The following DGKZ variants were observed in gnomAD, a reference collection of about 807,000 sequenced individuals.
DGKZ encodes diacylglycerol kinase zeta.
A neutral mutation model predicts 142.5 loss-of-function variants in DGKZ; 45 were observed. That is an observed-to-expected ratio of 0.32 (90% CI 0.25 to 0.40). The LOEUF (loss-of-function observed/expected upper bound fraction) is 0.40, where lower values mean the gene tolerates loss of function less well. DGKZ is among the 10% of genes least tolerant of loss of function. DGKZ has a pLI of 1.00. For missense variants in DGKZ, 755 were observed against 1,306.5 expected, an observed-to-expected ratio of 0.58 and a Z score of 6.51; for synonymous variants, 442 against 527.0, an observed-to-expected ratio of 0.84 and a Z score of 2.21.
At chr11:46,349,009 T>C (rs1275975648) in intron 1 of DGKZ, among the ~76,000 whole-genome samples, 1 of 152,202 alleles carries the variant, frequency 6.6e-6, no homozygotes, top group Non-Finnish European at 1.5e-5. Context: ...GGGTAGACTT[T>C]ACCCACCAAT....
intron 27 of DGKZ, 162 bp downstream of exon 27, chr11:46,378,662 T>C: frequency 3.9e-6 from 4 of 1,013,544 alleles, no homozygotes; most frequent in African/African-American, 1.6e-5. Flanking sequence ...CACTTCACTG[T>C]ATCTCTGTCT....
At chr11:46,347,372 C>A (rs1440581248), upstream of DGKZ, 2 of 984,154 alleles carry the variant, frequency 2.0e-6, no homozygotes, top group Admixed American at 1.2e-4. The surrounding 1 kb of genome is among the most constrained non-coding windows in gnomAD (Gnocchi z 6.4). Flanking sequence ...GCGCTGCGGG[C>A]CCGGTGCCAC....
intron 4 of DGKZ, 51 bp from the exon 5 acceptor site, chr11:46,369,438 TACCTG>T (rs759870827): frequency 1.2e-6 from 2 of 1,607,456 alleles, no homozygotes; most frequent in Admixed American, 1.7e-5. Flanking sequence ...AGTGACCACA[TACCTG>T]ACCCCGAAGG....
At chr11:46,338,213 C>A (rs1406813154) in intron 1 of DGKZ, among the ~76,000 whole-genome samples, 1 of 152,056 alleles carries the variant, frequency 6.6e-6, no homozygotes. Flanking sequence ...AAAAAGCATT[C>A]TTGCCGGGCG....
exon 21 of DGKZ, chr11:46,375,912 G>A (rs1485278951): frequency 1.3e-6 from 2 of 1,598,990 alleles, no homozygotes; most frequent in Admixed American, 1.7e-5. Context: ...GCACGACTAT[G>A]AGGCCCTGCA....
At chr11:46,366,745 C>T (rs1565045694) in intron 1 of DGKZ, 2 of 1,551,212 alleles carry the variant, frequency 1.3e-6, no homozygotes, top group Admixed American at 1.9e-5. Flanking sequence ...GCCGAGCCTC[C>T]TCCCACCTGC....
At chr11:46,371,428 G>T (rs756804119) in intron 7 of DGKZ, 44 bp downstream of exon 7, 1 of 1,610,200 alleles carries the variant, frequency 6.2e-7, no homozygotes, top group South Asian at 1.1e-5. Context: ...TGCACTGCTG[G>T]GTTTGGGTCC....
At chr11:46,335,376 G>T (rs994138108) in intron 1 of DGKZ, among the ~76,000 whole-genome samples, 4 of 151,350 alleles carry the variant, frequency 2.6e-5, no homozygotes, top group Non-Finnish European at 5.9e-5. Flanking sequence ...AGAGAGCAAA[G>T]AATAATTGAA....
At chr11:46,354,985 A>T (rs899985488) in intron 1 of DGKZ, among the ~76,000 whole-genome samples, 14 of 152,096 alleles carry the variant, frequency 9.2e-5, no homozygotes, top group Admixed American at 5.9e-4. Flanking sequence ...ATTGCAAGCG[A>T]TCCCTCTGTG....
chr11:46,377,453 G>A, intron 25 of DGKZ: 2 of 680,818 alleles, frequency 2.9e-6, no homozygotes, highest in Non-Finnish European at 4.5e-6. Context: ...GCCAGTCCTG[G>A]CAGCCCCCGG....
chr11:46,375,035 T>G, exon 19 of DGKZ: 1 of 1,600,098 alleles, frequency 6.2e-7, no homozygotes, highest in Non-Finnish European at 8.5e-7. Flanking sequence ...GGCTTCACCA[T>G]GACGTCGTTG....
chr11:46,357,801 T>A (rs1284308269), intron 1 of DGKZ, among the ~76,000 whole-genome samples: 1 of 152,190 alleles, frequency 6.6e-6, no homozygotes, highest in Non-Finnish European at 1.5e-5. Flanking sequence ...GGGTGTTCCG[T>A]TGGCTGTGAG....
At position 46,341,482 on chromosome 11, in the gene DGKZ, C is replaced by T. The variant is rs576032126; in HGVS notation, c.212+7995C>T. On this transcript the variant is annotated intron_variant, in intron 1 of 30. Coordinates refer to the DGKZ transcript ENST00000343674. ...TGGTAGATATTTATGAAATATTTGT[C>T]GTACAAATGAATGAAGGAATGAATG... is the stretch of plus-strand genomic sequence containing the variant. Among the ~76,000 whole-genome samples, 3 of 152,178 alleles carry T rather than the reference C, an allele frequency of 2.0e-5. No homozygotes were observed. In the South Asian group the frequency reaches 6.2e-4, roughly 32 times the overall value.
chr11:46,369,898 T>C (rs756231865), intron 5 of DGKZ, 43 bp from the exon 6 acceptor site: 13 of 1,608,004 alleles, frequency 8.1e-6, no homozygotes, highest in Admixed American at 1.7e-5. Context: ...ACTGTGCCCC[T>C]GCCCACCCCT....
At chr11:46,347,456 G>A, upstream of DGKZ, 1 of 982,558 alleles carries the variant, frequency 1.0e-6, no homozygotes, top group Admixed American at 6.3e-5. The surrounding 1 kb of genome is among the most constrained non-coding windows in gnomAD (Gnocchi z 6.4). Context: ...CTGCGGCCGC[G>A]GCTGGCGGCA....
chr11:46,376,891 G>T (rs1944608703), intron 24 of DGKZ, 182 bp from the exon 25 acceptor site: 1 of 654,684 alleles, frequency 1.5e-6, no homozygotes, highest in East Asian at 2.7e-5. Flanking sequence ...TAAAGTCTGG[G>T]CAGTCGGAGG....
At chr11:46,354,109 AG>A (rs2136416991) in intron 1 of DGKZ, among the ~76,000 whole-genome samples, 1 of 152,268 alleles carries the variant, frequency 6.6e-6, no homozygotes, top group Admixed American at 6.5e-5. Context: ...TTCCATCCTG[AG>A]GGCCCTGAAA....
At chr11:46,352,076 C>T (rs1246706430) in intron 1 of DGKZ, among the ~76,000 whole-genome samples, 2 of 152,156 alleles carry the variant, frequency 1.3e-5, no homozygotes, top group African/African-American at 4.8e-5. Flanking sequence ...GTGAGAGAAA[C>T]GGGCCTGCCC....
At chr11:46,368,257 T>TC (rs1943553431) in intron 4 of DGKZ, 178 bp downstream of exon 4, 1 of 708,258 alleles carries the variant, frequency 1.4e-6, no homozygotes. Context: ...TCCTCACTGA[T>TC]TAGCTGCTGT....
Sources: allele counts gnomAD v4.1 joint callset (sites outside exome capture counted in the v4.1 genomes callset), GRCh38; gene constraint gnomAD v4.1.1; non-coding constraint Gnocchi (gnomAD v3.1); transcripts MANE v1.5; gene names NCBI Gene and HGNC (gene_info 2026-07-23, HGNC 2026-07-21).